EXOSC1: variants seen among roughly 807,000 people sequenced by gnomAD.
The protein encoded by EXOSC1 is exosome component 1.
In EXOSC1, 27 loss-of-function variants were observed where a neutral mutation model predicts 31.4. That is an observed-to-expected ratio of 0.86 (90% CI 0.63 to 1.18). The LOEUF (loss-of-function observed/expected upper bound fraction) is 1.18. EXOSC1 is among the 50% of genes most tolerant of loss of function. The pLI is 0.00. For synonymous variants in EXOSC1, 84 were observed against 89.5 expected (o/e 0.94, Z 0.35); for missense variants, 228 against 250.3 (o/e 0.91, Z 0.60).
intron 4 of EXOSC1, among the ~76,000 whole-genome samples, chr10:97,438,980 G>A (rs1168483920): frequency 6.6e-6 from 1 of 152,044 alleles, no homozygotes; most frequent in African/African-American, 2.4e-5. Flanking sequence ...TTGAACTCCT[G>A]ACCTCAGGTG....
chr10:97,439,191 C>T (rs1014870193), intron 4 of EXOSC1, among the ~76,000 whole-genome samples: 1 of 152,206 alleles, frequency 6.6e-6, no homozygotes, highest in African/African-American at 2.4e-5. Context: ...GAGGCAGTAT[C>T]AATACCTCTG....
In EXOSC1 at chr10:97,441,177, G is replaced by T. The variant is rs151186254; in HGVS notation, c.305C>A (p.Thr102Asn). 186 of 1,613,644 alleles carry T rather than the reference G, an allele frequency of 1.2e-4. 1 individual carries two copies. The South Asian group carries it at 1.3e-3, about 11-fold the overall frequency. The stretch of plus-strand genomic sequence containing the variant: ...TGAAAAGGATACTTCTTACCGGATA[G>T]TTCCTCGAAAAGAGTTCTTAAGAGG... ...SMPLKNSFRGTIRKEDVRATE... is the reference protein window; with the variant it reads ...SMPLKNSFRGNIRKEDVRATE... Residue 102 changes from threonine (T) to asparagine (N), a missense_variant, in exon 4 of 8, where the codon ACT becomes AAT. Coordinates refer to ENST00000370902, the MANE Select transcript of EXOSC1 (RefSeq NM_016046.5).
rs144346939 is a variant in EXOSC1, at chr10:97,445,970, T to C, written c.16A>G (p.Arg6Gly). 1.1e-4 allele frequency: 178 copies of C among 1,614,074 alleles called. No homozygotes were observed. The highest frequency in any genetic ancestry group is 1.4e-4 in the Non-Finnish European group (160 of 1,180,030). The change falls in exon 1 of 8, where the codon AGA becomes GGA. Residue 6 changes from arginine (R) to glycine (G), a missense_variant. Coordinates refer to ENST00000370902, the MANE Select transcript of EXOSC1 (RefSeq NM_016046.5). MAPPV[R>G]YCIPGERLCN... is the part of the protein sequence containing the mutation. ...GCTCACTTACCGGGGATGCAGTATCTCACAGGTGGCGCCATGATTGCCGCT... is the reference window on the plus strand; with the variant it reads ...GCTCACTTACCGGGGATGCAGTATCCCACAGGTGGCGCCATGATTGCCGCT...
chr10:97,445,190 G>A (rs1229283256), intron 2 of EXOSC1: 2 of 152,672 alleles, frequency 1.3e-5, no homozygotes, highest in Admixed American at 6.5e-5. Context: ...AAGGAGGTAG[G>A]AATTAAATAG....
intron 2 of EXOSC1, chr10:97,443,801 T>G (rs1845791329): frequency 6.6e-6 from 1 of 151,822 alleles, no homozygotes; most frequent in Non-Finnish European, 1.5e-5. Flanking sequence ...ACTTTTTTTG[T>G]TTTTTTTTGA....
intron 4 of EXOSC1, among the ~76,000 whole-genome samples, chr10:97,439,547 G>T (rs1845650005): frequency 6.6e-6 from 1 of 152,176 alleles, no homozygotes; most frequent in Non-Finnish European, 1.5e-5. Context: ...ATCACCCCCA[G>T]ATGGGACCAT....
chr10:97,442,162 A>G (rs1845740144), intron 3 of EXOSC1, among the ~76,000 whole-genome samples: 1 of 144,872 alleles, frequency 6.9e-6, no homozygotes, highest in Non-Finnish European at 1.5e-5. Context: ...TGGGTGACAG[A>G]GCAAGGCCCT....
intron 3 of EXOSC1, among the ~76,000 whole-genome samples, chr10:97,441,620 A>G (rs557489568): frequency 4.0e-5 from 6 of 150,388 alleles, no homozygotes; most frequent in South Asian, 2.1e-4. Flanking sequence ...CCTCCTGAAT[A>G]GCTGGGATTA....
At chr10:97,438,838 G>A (rs915592933) in intron 4 of EXOSC1, 135 bp from the exon 5 acceptor site, 2 of 660,846 alleles carry the variant, frequency 3.0e-6, no homozygotes, top group Admixed American at 2.4e-5. Flanking sequence ...TGCAACCTCC[G>A]CCTCCTGGGT....
intron 6 of EXOSC1, 146 bp from the exon 7 acceptor site, chr10:97,437,421 G>A (rs147061936): frequency 1.1e-4 from 72 of 662,628 alleles, no homozygotes; most frequent in African/African-American, 1.1e-3. Context: ...CGTGATATCA[G>A]TTCACAACCT....
intron 2 of EXOSC1, chr10:97,444,120 A>T (rs1845800261): frequency 6.6e-6 from 1 of 152,188 alleles, no homozygotes. Context: ...CTCCAAAGTT[A>T]TACTGCTTCC....
Position 97,437,222 on chromosome 10 carries a change from C to G in EXOSC1, c.450G>C (p.Glu150Asp), listed in dbSNP as rs771537397. The change falls in exon 7 of 8, where the codon GAG becomes GAC. Residue 150 changes from glutamate (E) to aspartate (D), a missense_variant. Coordinates refer to ENST00000370902, the MANE Select transcript of EXOSC1 (RefSeq NM_016046.5). Reference sequence around the variant, plus strand: ...CACTGTGGGCTACCACCACTCCCAGCTCGTTCTCGGCGGTGGTTAGCAGGT... The same window carrying G: ...CACTGTGGGCTACCACCACTCCCAGGTCGTTCTCGGCGGTGGTTAGCAGGT... ...SNYLLTTAEN[E>D]LGVVVAHSES... The G allele has an allele frequency of 6.2e-7, 1 of 1,614,184 alleles. No homozygotes were observed. Among genetic ancestry groups the G allele is most frequent in the Non-Finnish European group, 8.5e-7 (1 of 1,180,038 alleles).
At chr10:97,445,435 A>C in intron 2 of EXOSC1, 1 of 435,490 alleles carries the variant, frequency 2.3e-6, no homozygotes, top group Non-Finnish European at 4.2e-6. Flanking sequence ...AGCAACATTC[A>C]TACAGTATGC....
intron 6 of EXOSC1, 137 bp from the exon 7 acceptor site, chr10:97,437,412 G>T: frequency 1.5e-6 from 1 of 679,582 alleles, no homozygotes. Context: ...GTGCGGTGGC[G>T]TGATATCAGT....
At chr10:97,440,577 G>A (rs2133149816) in intron 4 of EXOSC1, among the ~76,000 whole-genome samples, 1 of 151,586 alleles carries the variant, frequency 6.6e-6, no homozygotes, top group South Asian at 2.1e-4. Context: ...GGAGTGCAAT[G>A]GCGCAATCTT....
At chr10:97,438,749 AATT>A in intron 4 of EXOSC1, 46 bp from the exon 5 acceptor site, 1 of 1,362,328 alleles carries the variant, frequency 7.3e-7, no homozygotes, top group South Asian at 1.2e-5. Context: ...TGTGAGAAAG[AATT>A]TTTTTTTTTT....
rs551043383 is a variant in EXOSC1, at chr10:97,441,401, C to G, written c.223-142G>C. The G allele has an allele frequency of 3.0e-5, 18 of 595,386 alleles. No individual in the cohort carries two copies. In the East Asian group the frequency reaches 5.5e-4, roughly 18 times the overall value. 36.9% of individuals were successfully genotyped at this position (595,386 alleles called of 1,614,324 possible). ...TTAAGACAAATTAACTCCTACTTCT[C>G]TCTGCGTAAGTGACACATGTAAAGA... On this transcript the variant is annotated intron_variant, in intron 3 of 7. Coordinates refer to ENST00000370902, the MANE Select transcript of EXOSC1 (RefSeq NM_016046.5).
chr10:97,440,119 T>C (rs948634510), intron 4 of EXOSC1, among the ~76,000 whole-genome samples: 1 of 151,948 alleles, frequency 6.6e-6, no homozygotes. Flanking sequence ...ATTATAGGCA[T>C]GTGCCACCAC....
rs1845622201 is a variant in EXOSC1, at chr10:97,438,661, AC to A, written c.345+8del. ...TAAAGCCATTAAAAAAAAAGAACCA[AC>A]CAACAACCTTGTCTTTTTCAGTTGC... On this transcript the variant is annotated splice_region_variant and intron_variant, in intron 5 of 7. Coordinates refer to ENST00000370902, the MANE Select transcript of EXOSC1 (RefSeq NM_016046.5). 1.2e-6 allele frequency: 2 copies of A among 1,611,090 alleles called. No individual in the cohort carries two copies. The highest frequency in any genetic ancestry group is 1.7e-6 in the Non-Finnish European group (2 of 1,178,804).
Sources: gnomAD v4.1 joint callset for allele counts (sites outside exome capture counted in the v4.1 genomes callset) on GRCh38, gnomAD v4.1.1 for gene constraint, MANE v1.5 for transcripts, NCBI Gene and HGNC (gene_info 2026-07-23, HGNC 2026-07-21) for gene names.